The following NOXRED1 variants were observed in gnomAD, a reference collection of about 807,000 sequenced individuals.
NOXRED1 encodes the protein NADP dependent oxidoreductase domain containing 1.
A neutral mutation model predicts 30.4 loss-of-function variants in NOXRED1; 20 were observed. That is an observed-to-expected ratio of 0.66 (90% CI 0.46 to 0.96). The LOEUF (loss-of-function observed/expected upper bound fraction) is 0.96. NOXRED1 is among the 40% of genes least tolerant of loss of function. The pLI is 0.00. For synonymous variants in NOXRED1, 155 were observed against 168.0 expected (o/e 0.92, Z 0.60); for missense variants, 374 against 428.0 (o/e 0.87, Z 1.11).
In NOXRED1 at chr14:77,415,728, T is replaced by C. The variant is rs528738601; in HGVS notation, c.156-1601A>G. 6.2e-3 allele frequency among the ~76,000 whole-genome samples: 935 copies of C among 151,680 alleles called. 9 individuals carry two copies. The highest frequency in any genetic ancestry group is 0.021 in the African/African-American group (886 of 41,306). ...AACTCTATATGCTTTTTTTTTTTTT[T>C]CGAGACAGTCTCCCTCCATTGCCTG... On this transcript the variant is annotated intron_variant, in intron 1 of 5. Transcript: ENST00000380835.
chr14:77,424,481 TA>T (rs1306843349), upstream of NOXRED1, among the ~76,000 whole-genome samples: 1 of 151,978 alleles, frequency 6.6e-6, no homozygotes, highest in Admixed American at 6.6e-5. Flanking sequence ...AAATAAAAAA[TA>T]AAATAAAGTA....
intron 1 of NOXRED1, 87 bp downstream of exon 1, chr14:77,422,648 C>A: frequency 7.6e-7 from 1 of 1,313,058 alleles, no homozygotes. Context: ...GCCAAACTTA[C>A]CCTCCAATAT....
chr14:77,410,420 C>T (rs1282069444), intron 2 of NOXRED1, among the ~76,000 whole-genome samples: 2 of 152,110 alleles, frequency 1.3e-5, no homozygotes, highest in Non-Finnish European at 2.9e-5. Context: ...GCCTGGCCAA[C>T]ATGGCAAAAC....
chr14:77,395,413 A>AT (rs1894156513), intron 5 of NOXRED1, among the ~76,000 whole-genome samples: 1 of 151,822 alleles, frequency 6.6e-6, no homozygotes, highest in South Asian at 2.1e-4. Flanking sequence ...GCTGCAGAAT[A>AT]TTTTTCTCGA....
chr14:77,417,110 C>G (rs1280870871), intron 1 of NOXRED1, among the ~76,000 whole-genome samples: 1 of 148,538 alleles, frequency 6.7e-6, no homozygotes, highest in Non-Finnish European at 1.5e-5. Context: ...AGTTTTTCTT[C>G]TGCTATTTCT....
intron 3 of NOXRED1, among the ~76,000 whole-genome samples, chr14:77,407,249 CA>C (rs1271213369): frequency 6.6e-6 from 1 of 152,178 alleles, no homozygotes; most frequent in Non-Finnish European, 1.5e-5. Flanking sequence ...CTTTGTACAG[CA>C]ACAAAAATGG....
chr14:77,405,829 A>G, intron 5 of NOXRED1, 84 bp downstream of exon 5: 1 of 805,314 alleles, frequency 1.2e-6, no homozygotes, highest in Non-Finnish European at 2.1e-6. Context: ...TTTAAAGAGA[A>G]CATGAAAGGA....
At chr14:77,407,055 C>T (rs1248665634) in intron 3 of NOXRED1, among the ~76,000 whole-genome samples, 180 bp from the exon 4 acceptor site, 1 of 152,190 alleles carries the variant, frequency 6.6e-6, no homozygotes, top group African/African-American at 2.4e-5. Context: ...CTAACAAATC[C>T]TTACTTATTG....
intron 2 of NOXRED1, among the ~76,000 whole-genome samples, chr14:77,411,323 A>G (rs1380154866): frequency 6.6e-6 from 1 of 151,872 alleles, no homozygotes; most frequent in African/African-American, 2.4e-5. Flanking sequence ...ACAAAAAATT[A>G]GCTGGGCATG....
At chr14:77,415,038 T>A (rs1894774000) in intron 1 of NOXRED1, among the ~76,000 whole-genome samples, 1 of 151,882 alleles carries the variant, frequency 6.6e-6, no homozygotes, top group Non-Finnish European at 1.5e-5. Flanking sequence ...TAGCCAGGTA[T>A]GGTGGTGCAC....
Position 77,409,810 on chromosome 14 carries a change from A to AT in NOXRED1, c.350-2166dup, listed in dbSNP as rs111619657. 5.2e-3 allele frequency among the ~76,000 whole-genome samples: 736 copies of AT among 141,372 alleles called. 6 individuals carry two copies. Among genetic ancestry groups the AT allele is most frequent in the African/African-American group, 0.013 (519 of 39,274 alleles). 92.7% of individuals were successfully genotyped at this position (141,372 alleles called of 152,430 possible). On this transcript the variant is annotated intron_variant, in intron 2 of 5. Coordinates refer to ENST00000380835, the MANE Select transcript of NOXRED1 (RefSeq NM_001113475.3). ...ATGGGATAAAGATATATACCTTGAG[A>AT]TTTTTTTTTTTTTTTTGAGACAGAG...
rs1174932893 is a variant in NOXRED1, at chr14:77,419,061, TTTCTTTCTC to T, written c.155+3665_155+3673del. Among the ~76,000 whole-genome samples the T allele has an allele frequency of 4.5e-3, 681 of 149,706 alleles. 5 individuals are homozygous for T. Among genetic ancestry groups the T allele is most frequent in the African/African-American group, 0.016 (643 of 41,142 alleles). The stretch of plus-strand genomic sequence containing the variant: ...TTGTTGTTGTTTATCTGGGAAGCTC[TTTCTTTCTC>T]TTTTTTTTTTTTTTTCTTGAGATAG... On this transcript the variant is annotated intron_variant, in intron 1 of 5. Transcript: ENST00000380835.
chr14:77,414,421 C>T (rs1422166115), intron 1 of NOXRED1, among the ~76,000 whole-genome samples: 1 of 151,982 alleles, frequency 6.6e-6, no homozygotes, highest in Non-Finnish European at 1.5e-5. Context: ...CCTCGTGATC[C>T]ACCCGTGTTG....
At position 77,418,945 on chromosome 14, in the gene NOXRED1, C is replaced by T. The variant is rs1282937287; in HGVS notation, c.155+3790G>A. On this transcript the variant is annotated intron_variant, in intron 1 of 5. Coordinates refer to ENST00000380835, the MANE Select transcript of NOXRED1 (RefSeq NM_001113475.3). The stretch of plus-strand genomic sequence containing the variant: ...CCAGAGAGCTTTTTATTTTTGTATA[C>T]TTTTGTGTTGTTGACTAGCATGTTT... Among the ~76,000 whole-genome samples, 3 of 152,082 alleles carry T rather than the reference C, an allele frequency of 2.0e-5. No homozygotes were observed. The South Asian group carries it at 6.2e-4, about 31-fold the overall frequency.
intron 5 of NOXRED1, among the ~76,000 whole-genome samples, chr14:77,399,762 A>G (rs889223342): frequency 1.3e-5 from 2 of 152,190 alleles, no homozygotes; most frequent in Non-Finnish European, 2.9e-5. Context: ...TAACATGCGC[A>G]TAATGAGACT....
At chr14:77,410,333 C>T (rs1252242416) in intron 2 of NOXRED1, among the ~76,000 whole-genome samples, 1 of 152,092 alleles carries the variant, frequency 6.6e-6, no homozygotes, top group Admixed American at 6.6e-5. Flanking sequence ...AACCTGGGCA[C>T]TGTGGCTCAC....
chr14:77,417,914 A>G (rs1465298221), intron 1 of NOXRED1, among the ~76,000 whole-genome samples: 1 of 130,840 alleles, frequency 7.6e-6, no homozygotes, highest in Non-Finnish European at 1.7e-5. Context: ...TAATGACATT[A>G]TTTTCTTTTT....
chr14:77,416,825 C>A (rs762766017), intron 1 of NOXRED1, among the ~76,000 whole-genome samples: 4 of 151,054 alleles, frequency 2.6e-5, no homozygotes, highest in East Asian at 1.9e-4. Flanking sequence ...GCTGGCCGGG[C>A]GGGGGGCTGA....
intron 5 of NOXRED1, among the ~76,000 whole-genome samples, chr14:77,402,916 T>TC (rs1209414112): frequency 2.6e-5 from 4 of 151,646 alleles, no homozygotes; most frequent in Admixed American, 6.6e-5. Flanking sequence ...ATGCCTGTAA[T>TC]CCCAGCTACT....
Sources: allele counts gnomAD v4.1 joint callset (sites outside exome capture counted in the v4.1 genomes callset), GRCh38; gene constraint gnomAD v4.1.1; transcripts MANE v1.5; gene names NCBI Gene and HGNC (gene_info 2026-07-23, HGNC 2026-07-21).